Variants in TNPO3 observed in about 807,000 individuals in gnomAD.
TNPO3 encodes the protein transportin-3.
TNPO3 carries 65 observed loss-of-function variants against 122.8 expected under a neutral mutation model. The observed-to-expected ratio is 0.53, with a 90% CI of 0.43 to 0.65. The LOEUF is 0.65. TNPO3 is among the 30% of genes least tolerant of loss of function. The pLI, the probability that TNPO3 is intolerant of heterozygous loss-of-function variation, is 0.00. For synonymous variants in TNPO3, 372 were observed against 411.2 expected, an observed-to-expected ratio of 0.90 and a Z score of 1.15; for missense variants, 850 against 1,136.7, an observed-to-expected ratio of 0.75 and a Z score of 3.63.
intron 9 of TNPO3, among the ~76,000 whole-genome samples, chr7:128,993,420 C>A (rs1384303868): frequency 6.6e-6 from 1 of 152,184 alleles, no homozygotes; most frequent in African/African-American, 2.4e-5. Context: ...TGCCAAATAA[C>A]TACAAGAGTT....
chr7:129,056,173 C>T (rs1050245727), upstream of TNPO3: 13 of 905,636 alleles, frequency 1.4e-5, no homozygotes, highest in Non-Finnish European at 2.4e-5. Context: ...AACGAGTTGG[C>T]CCGGCAGAAG....
chr7:128,995,092 C>T (rs1187825640), intron 8 of TNPO3, among the ~76,000 whole-genome samples: 1 of 151,988 alleles, frequency 6.6e-6, no homozygotes, highest in Non-Finnish European at 1.5e-5. Context: ...GAGCCCAGCC[C>T]AGAATTTTAA....
At chr7:128,974,813 G>T in intron 18 of TNPO3, 55 bp downstream of exon 18, 1 of 1,404,158 alleles carries the variant, frequency 7.1e-7, no homozygotes. Context: ...CAGATGGCAA[G>T]ACTAAGCAGT....
intron 1 of TNPO3, among the ~76,000 whole-genome samples, chr7:129,020,779 T>C (rs1804395337): frequency 6.6e-6 from 1 of 152,108 alleles, no homozygotes. Context: ...TATGAAGCTT[T>C]ATACAATCTC....
chr7:129,007,660 C>G (rs1402237282), intron 4 of TNPO3, among the ~76,000 whole-genome samples: 1 of 152,204 alleles, frequency 6.6e-6, no homozygotes, highest in Non-Finnish European at 1.5e-5. Flanking sequence ...CACTTCCGCT[C>G]ATTTTCATTT....
intron 1 of TNPO3, among the ~76,000 whole-genome samples, chr7:129,034,398 A>AG (rs1806318629): frequency 6.6e-6 from 1 of 151,990 alleles, no homozygotes; most frequent in East Asian, 1.9e-4. Context: ...GGGTGTGGGC[A>AG]GGAACACTGA....
intron 2 of TNPO3, 113 bp downstream of exon 2, chr7:129,017,844 A>G: frequency 9.9e-7 from 1 of 1,012,962 alleles, no homozygotes; most frequent in Non-Finnish European, 1.5e-6. Flanking sequence ...ACATAGCAGT[A>G]CATCTGTAAT....
chr7:128,970,091 C>T, intron 20 of TNPO3, 57 bp downstream of exon 20: 2 of 1,608,262 alleles, frequency 1.2e-6, no homozygotes, highest in South Asian at 1.1e-5. Flanking sequence ...CCTTAAGGAA[C>T]CAAAGCCTAT....
intron 1 of TNPO3, among the ~76,000 whole-genome samples, chr7:129,041,930 C>T (rs1171092351): frequency 6.6e-6 from 1 of 152,150 alleles, no homozygotes; most frequent in East Asian, 1.9e-4. Flanking sequence ...TACTTGCTCC[C>T]TTTTTTGTTT....
At position 128,980,029 on chromosome 7, in the gene TNPO3, T is replaced by A; in HGVS notation, c.1862A>T (p.His621Leu). Reference protein sequence around the residue: ...FLDRLAVIFRHTNPIVENGQT... With the variant: ...FLDRLAVIFRLTNPIVENGQT... ...TCCATTTTCCACAATGGGATTGGTA[T>A]GCCTGGGAAAAGACAACAGCCCAAA... The change falls in exon 15 of 23, where the codon CAT becomes CTT. Residue 621 changes from histidine (H) to leucine (L), a missense_variant and splice_region_variant. Transcript: ENST00000265388. 1 of 1,614,096 alleles carries A rather than the reference T, an allele frequency of 6.2e-7. No homozygotes were observed. Among genetic ancestry groups the A allele is most frequent in the Non-Finnish European group, 8.5e-7 (1 of 1,179,966 alleles).
chr7:128,985,055 T>A (rs780474501), intron 12 of TNPO3, among the ~76,000 whole-genome samples: 2 of 152,190 alleles, frequency 1.3e-5, no homozygotes, highest in African/African-American at 2.4e-5. Context: ...GGATTACGTA[T>A]TAGCCTAGGT....
At chr7:129,046,166 A>T (rs932122480) in intron 1 of TNPO3, among the ~76,000 whole-genome samples, 2 of 134,330 alleles carry the variant, frequency 1.5e-5, no homozygotes, top group Non-Finnish European at 3.1e-5. Context: ...ACTGCACTCC[A>T]GCCTGAGTGA....
intron 12 of TNPO3, among the ~76,000 whole-genome samples, chr7:128,985,044 A>T (rs1338775996): frequency 6.6e-6 from 1 of 152,152 alleles, no homozygotes; most frequent in African/African-American, 2.4e-5. Flanking sequence ...CCAAATCCAA[A>T]GGATTACGTA....
At chr7:129,051,923 C>T (rs2150575027) in intron 1 of TNPO3, among the ~76,000 whole-genome samples, 1 of 152,246 alleles carries the variant, frequency 6.6e-6, no homozygotes, top group African/African-American at 2.4e-5. Context: ...GGATTACAGG[C>T]GTGAGCCACT....
In TNPO3 at chr7:129,002,287, G is replaced by C. The variant is rs57515205; in HGVS notation, c.697-1053C>G. Among the ~76,000 whole-genome samples the C allele has an allele frequency of 5.8e-3, 884 of 152,300 alleles. 9 individuals are homozygous for C. The highest frequency in any genetic ancestry group is 0.02 in the African/African-American group (846 of 41,554). ...GTTATTTGAGGGGGTTTGAGAAACA[G>C]CTAACCTAATCCAGAAAGCACAGTA... is the stretch of plus-strand genomic sequence containing the variant. On this transcript the variant is annotated intron_variant, in intron 5 of 22. Coordinates refer to ENST00000265388, the MANE Select transcript of TNPO3 (RefSeq NM_012470.4).
intron 13 of TNPO3, among the ~76,000 whole-genome samples, chr7:128,983,164 G>A (rs912913840): frequency 1.3e-5 from 2 of 152,068 alleles, no homozygotes; most frequent in Non-Finnish European, 2.9e-5. Flanking sequence ...GGTGCAAGTG[G>A]CCAGCATTAA....
At chr7:128,999,154 T>C (rs890511786) in intron 7 of TNPO3, among the ~76,000 whole-genome samples, 1 of 152,212 alleles carries the variant, frequency 6.6e-6, no homozygotes, top group Admixed American at 6.5e-5. Context: ...CCAGAAGTCT[T>C]TTTTAAAGTA....
At chr7:129,025,433 A>G (rs1805027572) in intron 1 of TNPO3, among the ~76,000 whole-genome samples, 1 of 149,098 alleles carries the variant, frequency 6.7e-6, no homozygotes, top group Non-Finnish European at 1.5e-5. Flanking sequence ...GAGATTGCCC[A>G]CTAAGCCACT....
At chr7:128,976,970 C>G (rs547818164) in intron 16 of TNPO3, among the ~76,000 whole-genome samples, 3 of 152,208 alleles carry the variant, frequency 2.0e-5, no homozygotes, top group African/African-American at 7.2e-5. Context: ...AGATCTTATC[C>G]ACCATTCAGT....
Sources: allele counts gnomAD v4.1 joint callset (sites outside exome capture counted in the v4.1 genomes callset), GRCh38; gene constraint gnomAD v4.1.1; transcripts MANE v1.5; gene names NCBI Gene and HGNC (gene_info 2026-07-23, HGNC 2026-07-21).